LHFPL3: variants seen among roughly 807,000 people sequenced by gnomAD.
The protein encoded by LHFPL3 is LHFPL tetraspan subfamily member 3 protein.
In LHFPL3, 5 loss-of-function variants were observed where a neutral mutation model predicts 19.3. That is an observed-to-expected ratio of 0.26 (90% confidence interval 0.14 to 0.54). The LOEUF is 0.54. LHFPL3 is among the 20% of genes least tolerant of loss of function. LHFPL3 has a pLI of 0.94. For synonymous variants in LHFPL3, 133 were observed against 126.2 expected (o/e 1.05, Z -0.36); for missense variants, 249 against 307.4 (o/e 0.81, Z 1.42).
chr7:104,840,825 T>C (rs1791188845), intron 2 of LHFPL3, among the ~76,000 whole-genome samples: 1 of 152,130 alleles, frequency 6.6e-6, no homozygotes, highest in African/African-American at 2.4e-5. Flanking sequence ...AGAAGAACAT[T>C]TTCATGGTTT....
chr7:104,430,402 A>ATATATATGTATATATATATATATATATG (rs1791952909), intron 1 of LHFPL3, among the ~76,000 whole-genome samples: 1 of 34,170 alleles, frequency 2.9e-5, no homozygotes, highest in Non-Finnish European at 4.6e-5. Context: ...ATATATATAT[A>ATATATATGTATATATATATATATATATG]TACATATATA....
chr7:104,420,794 C>T (rs1190910988), intron 1 of LHFPL3, among the ~76,000 whole-genome samples: 2 of 151,968 alleles, frequency 1.3e-5, no homozygotes, highest in Non-Finnish European at 2.9e-5. Context: ...GATCTCCTGA[C>T]CTCGTGATCC....
intron 1 of LHFPL3, among the ~76,000 whole-genome samples, chr7:104,366,528 T>A (rs540341433): frequency 6.6e-6 from 1 of 152,312 alleles, no homozygotes; most frequent in East Asian, 1.9e-4. Flanking sequence ...CATGTGCAGG[T>A]CTTGTCTAAT....
At chr7:104,819,733 T>C (rs985111107) in intron 2 of LHFPL3, among the ~76,000 whole-genome samples, 2 of 152,180 alleles carry the variant, frequency 1.3e-5, no homozygotes, top group African/African-American at 2.4e-5. Flanking sequence ...TCGCTTTATA[T>C]TGGAGCTTGC....
intron 1 of LHFPL3, among the ~76,000 whole-genome samples, chr7:104,519,890 GT>G (rs1794013252): frequency 6.6e-6 from 1 of 152,066 alleles, no homozygotes; most frequent in Admixed American, 6.6e-5. Flanking sequence ...AAATGTGGTT[GT>G]CCTTGGTGCA....
At chr7:104,839,392 C>T (rs536589261) in intron 2 of LHFPL3, among the ~76,000 whole-genome samples, 2 of 152,232 alleles carry the variant, frequency 1.3e-5, no homozygotes, top group African/African-American at 4.8e-5. Flanking sequence ...GGGGGCCAAG[C>T]GTGGTGGCTC....
At chr7:104,484,927 T>C (rs1211421480) in intron 1 of LHFPL3, among the ~76,000 whole-genome samples, 1 of 152,002 alleles carries the variant, frequency 6.6e-6, no homozygotes, top group African/African-American at 2.4e-5. Context: ...AAATCTCAAC[T>C]CTCAATACTA....
At chr7:104,625,002 A>G (rs1028008771) in intron 1 of LHFPL3, among the ~76,000 whole-genome samples, 2 of 152,236 alleles carry the variant, frequency 1.3e-5, no homozygotes, top group African/African-American at 4.8e-5. Flanking sequence ...AAGACTATAA[A>G]GAAATATTAA....
intron 1 of LHFPL3, among the ~76,000 whole-genome samples, chr7:104,593,750 T>C (rs949543557): frequency 6.6e-6 from 1 of 152,220 alleles, no homozygotes; most frequent in South Asian, 2.1e-4. Flanking sequence ...ATATTTAGGA[T>C]AGTTAGCTCT....
intron 1 of LHFPL3, among the ~76,000 whole-genome samples, chr7:104,342,091 C>T (rs909170691): frequency 1.3e-5 from 2 of 152,142 alleles, no homozygotes; most frequent in African/African-American, 4.8e-5. Flanking sequence ...TTTTGGAGAA[C>T]TCATTGGCAT....
chr7:104,331,924 T>C (rs1801574007), intron 1 of LHFPL3, among the ~76,000 whole-genome samples: 2 of 151,252 alleles, frequency 1.3e-5, no homozygotes, highest in Non-Finnish European at 2.9e-5. Context: ...CACTCTAGTC[T>C]GGGAAACAGA....
chr7:104,837,778 T>A (rs751048749), intron 2 of LHFPL3, among the ~76,000 whole-genome samples: 5 of 152,140 alleles, frequency 3.3e-5, no homozygotes, highest in Non-Finnish European at 1.5e-5. Flanking sequence ...TCAGTCTAAC[T>A]CAAAGCCCAC....
rs1345604586 is a variant in LHFPL3, at chr7:104,907,342, T to G, written c.*1127T>G. The G allele has an allele frequency of 6.6e-6, 1 of 152,146 alleles. No individual in the cohort carries two copies. Among genetic ancestry groups the G allele is most frequent in the Non-Finnish European group, 1.5e-5 (1 of 67,986 alleles). 9.4% of individuals were successfully genotyped at this position (152,146 alleles called of 1,614,324 possible). ...GCCTTAGAAATAAATGACTGTATACTTATACAGGTTGAAAAAAACTCGGTA... is the reference window on the plus strand; with the variant it reads ...GCCTTAGAAATAAATGACTGTATACGTATACAGGTTGAAAAAAACTCGGTA... On this transcript the variant is annotated 3_prime_UTR_variant, in exon 3 of 3. Transcript: ENST00000424859.
chr7:104,863,897 C>T (rs1791664388), intron 2 of LHFPL3, among the ~76,000 whole-genome samples: 1 of 152,204 alleles, frequency 6.6e-6, no homozygotes, highest in Admixed American at 6.5e-5. Flanking sequence ...AGGCAGGCAG[C>T]CCTGGAGGAA....
intron 1 of LHFPL3, among the ~76,000 whole-genome samples, chr7:104,624,936 T>C (rs1244508695): frequency 6.6e-6 from 1 of 152,250 alleles, no homozygotes; most frequent in Non-Finnish European, 1.5e-5. Flanking sequence ...GGCATGTGGC[T>C]GTTAATCACT....
At position 104,797,752 on chromosome 7, in the gene LHFPL3, A is replaced by AG. The variant is rs1491137107; in HGVS notation, c.682+60841_682+60842insG. Among the ~76,000 whole-genome samples the AG allele has an allele frequency of 3.9e-4, 27 of 68,560 alleles. No homozygotes were observed. The Admixed American group carries it at 4.0e-3, about 10-fold the overall frequency. The allele number at this position is 68,560 out of a possible 152,430, so 45.0% of individuals were successfully genotyped here. ...ACCAATGGTGAAACCCCATCTCTAC[A>AG]AAAAAAAAAAAAAATTAGCTGGGCA... On this transcript the variant is annotated intron_variant, in intron 2 of 2. Transcript: ENST00000424859.
At chr7:104,365,775 G>C (rs1341027428) in intron 1 of LHFPL3, among the ~76,000 whole-genome samples, 4 of 69,086 alleles carry the variant, frequency 5.8e-5, no homozygotes, top group Non-Finnish European at 1.1e-4. Context: ...GCGACAGAGC[G>C]AGACTCCGTC....
At chr7:104,885,901 G>A (rs1028575282) in intron 2 of LHFPL3, among the ~76,000 whole-genome samples, 5 of 151,972 alleles carry the variant, frequency 3.3e-5, no homozygotes, top group Non-Finnish European at 7.4e-5. Flanking sequence ...ATCACCAGCT[G>A]CCCTGGCTCC....
At chr7:104,667,657 T>G in intron 1 of LHFPL3, 1 of 919,578 alleles carries the variant, frequency 1.1e-6, no homozygotes, top group Non-Finnish European at 1.6e-6. Context: ...CAAGGGTAAA[T>G]AGTAACTAAA....
Sources: gnomAD v4.1 joint callset for allele counts (sites outside exome capture counted in the v4.1 genomes callset) on GRCh38, gnomAD v4.1.1 for gene constraint, MANE v1.5 for transcripts, NCBI Gene and HGNC (gene_info 2026-07-23, HGNC 2026-07-21) for gene names.